MAST2: variants seen among roughly 807,000 people sequenced by gnomAD.
MAST2 encodes the protein microtubule associated serine/threonine kinase 2.
MAST2 carries 70 observed loss-of-function variants against 147.4 expected under a neutral mutation model. The observed-to-expected ratio is 0.47, with a 90% CI of 0.39 to 0.58. MAST2 has a LOEUF of 0.58. MAST2 is among the 20% of genes least tolerant of loss of function. MAST2 has a pLI of 0.00. For synonymous variants in MAST2, 869 were observed against 896.8 expected (o/e 0.97, Z 0.55); for missense variants, 2,080 against 2,302.3 (o/e 0.90, Z 1.98).
At chr1:46,028,182 A>G (rs974990332) in intron 17 of MAST2, among the ~76,000 whole-genome samples, 1 of 152,234 alleles carries the variant, frequency 6.6e-6, no homozygotes, top group Admixed American at 6.5e-5. Flanking sequence ...AGCCTTGAGA[A>G]TCATATGGAT....
At chr1:45,854,768 A>T (rs1394377707) in intron 3 of MAST2, among the ~76,000 whole-genome samples, 1 of 152,122 alleles carries the variant, frequency 6.6e-6, no homozygotes, top group African/African-American at 2.4e-5. Flanking sequence ...AATTTAACTC[A>T]ACTCCTATAC....
chr1:45,927,259 G>A (rs1041333410), intron 4 of MAST2, among the ~76,000 whole-genome samples: 2 of 152,126 alleles, frequency 1.3e-5, no homozygotes, highest in Admixed American at 6.6e-5. Flanking sequence ...ATGAAATTTC[G>A]GGCACTATTG....
intron 5 of MAST2, among the ~76,000 whole-genome samples, chr1:45,969,992 G>A (rs1045222851): frequency 3.9e-5 from 6 of 152,168 alleles, no homozygotes; most frequent in East Asian, 1.9e-4. Flanking sequence ...GCTGGGACAG[G>A]ATGGTTCTTG....
At chr1:45,963,667 A>G (rs979767835) in intron 5 of MAST2, among the ~76,000 whole-genome samples, 1 of 152,174 alleles carries the variant, frequency 6.6e-6, no homozygotes, top group Non-Finnish European at 1.5e-5. Context: ...TTGGGCTGAG[A>G]CAATGGGGTT....
In MAST2 at chr1:46,010,888, A is replaced by C. The variant is rs750499042; in HGVS notation, c.1137A>C (p.Thr379=). Residue 379 remains threonine (T), a synonymous_variant, in exon 10 of 29, where the codon ACA becomes ACC. Transcript: ENST00000361297. The part of the protein sequence containing the change: ...CLDKSRSGLI[T]SQYFYELQDN... ...ATAAATCTCGGAGTGGCCTCATTAC[A>C]TCACAATACTTCTACGAACTTCAAG... 6.2e-7 allele frequency: 1 copy of C among 1,614,218 alleles called. No individual in the cohort carries two copies. The highest frequency in any genetic ancestry group is 2.2e-5 in the East Asian group (1 of 44,874).
chr1:45,819,142 A>C (rs1644542847), intron 1 of MAST2, among the ~76,000 whole-genome samples: 1 of 151,892 alleles, frequency 6.6e-6, no homozygotes, highest in African/African-American at 2.4e-5. Flanking sequence ...AATCCCAGCT[A>C]CTTGGGAGGC....
chr1:45,892,091 T>C (rs978855727), intron 4 of MAST2, among the ~76,000 whole-genome samples: 3 of 152,250 alleles, frequency 2.0e-5, no homozygotes, highest in African/African-American at 7.2e-5. Flanking sequence ...TGGTTTGTTA[T>C]ACCTGATCAA....
In MAST2 at chr1:46,029,885, G is replaced by A; in HGVS notation, c.2375G>A (p.Gly792Glu). Residue 792 changes from glycine to glutamate, a missense_variant, in exon 20 of 29, where the codon GGA becomes GAA. By Grantham distance (98) the Gly-to-Glu change is moderately conservative. This residue lies in a region of MAST2 where 1,278 missense variants were observed against 1,304.2 expected (regional missense o/e 0.98). Transcript: ENST00000361297. ...HPFFTGLDWTGLLRQKAEFIP... is the reference protein window; with the variant it reads ...HPFFTGLDWTELLRQKAEFIP... ...TTCTTTACTGGTCTGGACTGGACAG[G>A]ACTTCTCCGCCAGAAGGCTGAATTT... 6.2e-7 allele frequency: 1 copy of A among 1,614,234 alleles called. No homozygotes were observed. The highest frequency in any genetic ancestry group is 8.5e-7 in the Non-Finnish European group (1 of 1,180,042).
chr1:45,838,273 G>A (rs1570311945), intron 3 of MAST2, among the ~76,000 whole-genome samples: 1 of 142,798 alleles, frequency 7.0e-6, no homozygotes, highest in African/African-American at 2.6e-5. Flanking sequence ...ACGCTGGAGC[G>A]CAGTGGCATG....
chr1:45,892,557 T>A (rs1648002553), intron 4 of MAST2, among the ~76,000 whole-genome samples: 1 of 152,240 alleles, frequency 6.6e-6, no homozygotes, highest in Non-Finnish European at 1.5e-5. Context: ...TCCACTGGAA[T>A]GATCTGGAAG....
Position 45,867,463 on chromosome 1 carries a change from G to A in MAST2, c.469-14901G>A, listed in dbSNP as rs141757291. Among the ~76,000 whole-genome samples, 917 of 152,296 alleles carry A rather than the reference G, an allele frequency of 6.0e-3. 8 individuals carry two copies. The highest frequency in any genetic ancestry group is 9.8e-3 in the Non-Finnish European group (665 of 68,038). On this transcript the variant is annotated intron_variant, in intron 3 of 28. Coordinates refer to ENST00000361297, the MANE Select transcript of MAST2 (RefSeq NM_015112.3). ...TAAATAGGGCATTTAGAAGTTCCGTGACAGCAAAGACCTTGTCTATTTTGT... is the reference window on the plus strand; with the variant it reads ...TAAATAGGGCATTTAGAAGTTCCGTAACAGCAAAGACCTTGTCTATTTTGT...
intron 10 of MAST2, among the ~76,000 whole-genome samples, chr1:46,014,354 T>A (rs1329844894): frequency 1.7e-5 from 2 of 119,032 alleles, no homozygotes; most frequent in Non-Finnish European, 3.2e-5. Flanking sequence ...GTCCCCAGAG[T>A]GTGATGTTCC....
At chr1:45,829,365 C>A in intron 2 of MAST2, 74 bp from the exon 3 acceptor site, 2 of 1,317,614 alleles carry the variant, frequency 1.5e-6, no homozygotes, top group Non-Finnish European at 1.0e-6. Flanking sequence ...CACTTGATAT[C>A]ACTGTATTTG....
rs375808933 is a variant in MAST2, at chr1:45,875,547, C to G, written c.469-6817C>G. On this transcript the variant is annotated intron_variant, in intron 3 of 28. Transcript: ENST00000361297. ...ATATATGATATTTACATTGATATAACATTAATCAAGGGGGACAAAACTGAA... is the reference window on the plus strand; with the variant it reads ...ATATATGATATTTACATTGATATAAGATTAATCAAGGGGGACAAAACTGAA... Among the ~76,000 whole-genome samples the G allele has an allele frequency of 1.7e-3, 264 of 152,258 alleles. 1 individual carries two copies. The highest frequency in any genetic ancestry group is 6.8e-3 in the Middle Eastern group (2 of 294).
intron 5 of MAST2, among the ~76,000 whole-genome samples, chr1:45,985,733 C>A (rs1440145913): frequency 6.6e-6 from 1 of 152,162 alleles, no homozygotes; most frequent in Non-Finnish European, 1.5e-5. Flanking sequence ...AATATCAAAT[C>A]TTTTAACCCA....
intron 3 of MAST2, among the ~76,000 whole-genome samples, chr1:45,832,763 G>GT (rs1457825556): frequency 1.3e-5 from 2 of 151,996 alleles, no homozygotes; most frequent in Admixed American, 6.5e-5. Context: ...CCTGAATTAA[G>GT]TTTTTTTTAA....
intron 1 of MAST2, among the ~76,000 whole-genome samples, chr1:45,805,744 A>G (rs1245412472): frequency 6.6e-6 from 1 of 152,110 alleles, no homozygotes; most frequent in Admixed American, 6.5e-5. Flanking sequence ...TAATTTCTCT[A>G]CTTATGTCCT....
rs370151557 is a variant in MAST2, at chr1:46,023,353, A to C, written c.1571+35A>C. The C allele has an allele frequency of 2.0e-4, 309 of 1,579,100 alleles. No individual in the cohort carries two copies. The highest frequency in any genetic ancestry group is 2.6e-4 in the Non-Finnish European group (293 of 1,148,816). On this transcript the variant is annotated intron_variant, in intron 14 of 28. Coordinates refer to ENST00000361297, the MANE Select transcript of MAST2 (RefSeq NM_015112.3). This position sits in a 1 kb window ranked among gnomAD's most constrained non-coding sequence, Gnocchi z 4.9. ...GGGGTCAGGGTGTGGCCAGGACTGA[A>C]GCCGGGTCAGCCTTTGATCTCTTCC...
At chr1:45,866,320 C>A (rs998956773) in intron 3 of MAST2, among the ~76,000 whole-genome samples, 7 of 152,072 alleles carry the variant, frequency 4.6e-5, no homozygotes, top group Non-Finnish European at 7.4e-5. Context: ...ACAGTTGATT[C>A]GATGAGATTT....
Sources: gnomAD v4.1 joint callset for allele counts (sites outside exome capture counted in the v4.1 genomes callset) on GRCh38, gnomAD v4.1.1 for gene constraint, gnomAD v4.1.1 regional missense constraint, Gnocchi (gnomAD v3.1) non-coding constraint, MANE v1.5 for transcripts, NCBI Gene and HGNC (gene_info 2026-07-23, HGNC 2026-07-21) for gene names.